The following ODAD2 variants were observed in gnomAD, a reference collection of about 807,000 sequenced individuals.
The protein encoded by ODAD2 is outer dynein arm-docking complex subunit 2.
Under a neutral mutation model 106.8 loss-of-function variants are expected in ODAD2, and 89 were observed. That is an observed-to-expected ratio of 0.83 (90% CI 0.70 to 0.99). The LOEUF (loss-of-function observed/expected upper bound fraction) is 0.99, where lower values mean the gene tolerates loss of function less well. Among genes scored for constraint, ODAD2 ranks in the 50% least tolerant of loss-of-function variants. The pLI is 0.00. For synonymous variants in ODAD2, 404 were observed against 436.2 expected, an observed-to-expected ratio of 0.93 and a Z score of 0.92; for missense variants, 1,168 against 1,238.5, an observed-to-expected ratio of 0.94 and a Z score of 0.85.
At chr10:27,824,769 A>T (rs1363616016) in intron 19 of ODAD2, among the ~76,000 whole-genome samples, 1 of 152,172 alleles carries the variant, frequency 6.6e-6, no homozygotes, top group East Asian at 1.9e-4. Context: ...TTGGCATGAG[A>T]TTGAAAATCT....
intron 14 of ODAD2, among the ~76,000 whole-genome samples, chr10:27,938,988 C>T (rs997012195): frequency 2.3e-4 from 35 of 152,104 alleles, no homozygotes; most frequent in Admixed American, 1.7e-3. Flanking sequence ...TAGAAGCAGA[C>T]GTGCACAGTA....
rs142516325 is a variant in ODAD2 at position 27,903,825 on chromosome 10, G to A, written c.2610+3838C>T. On this transcript the variant is annotated intron_variant, in intron 17 of 19. Transcript: ENST00000305242. ...GAAACCCTTCTCCTCTGAAAAGCTGGTGTCACAGGCTGCCTGTCATTTCCA... is the reference window on the plus strand; with the variant it reads ...GAAACCCTTCTCCTCTGAAAAGCTGATGTCACAGGCTGCCTGTCATTTCCA... Among the ~76,000 whole-genome samples the A allele has an allele frequency of 4.6e-5, 7 of 152,150 alleles. No homozygotes were observed. In the East Asian group the frequency reaches 1.4e-3, roughly 29 times the overall value.
At chr10:27,845,778 T>G (rs1180828032) in intron 19 of ODAD2, among the ~76,000 whole-genome samples, 1 of 152,140 alleles carries the variant, frequency 6.6e-6, no homozygotes, top group Admixed American at 6.5e-5. Context: ...AATCCTAGTC[T>G]CTGATAAAAC....
At chr10:27,931,140 G>A (rs1319746149) in intron 16 of ODAD2, among the ~76,000 whole-genome samples, 6 of 152,150 alleles carry the variant, frequency 3.9e-5, no homozygotes, top group Admixed American at 2.0e-4. Context: ...AAGAAAGAAA[G>A]AAAGAAAGGT....
At chr10:27,948,449 AG>A (rs1305161080) in intron 10 of ODAD2, among the ~76,000 whole-genome samples, 1 of 152,222 alleles carries the variant, frequency 6.6e-6, no homozygotes, top group Non-Finnish European at 1.5e-5. Flanking sequence ...GCTATGTCAA[AG>A]GATTTTTGAA....
chr10:27,860,106 C>T (rs1179445098), intron 19 of ODAD2, among the ~76,000 whole-genome samples: 1 of 152,106 alleles, frequency 6.6e-6, no homozygotes, highest in African/African-American at 2.4e-5. Context: ...CATTTCTATG[C>T]TTTAATTTAG....
chr10:27,827,643 A>C (rs1222594642), intron 19 of ODAD2, among the ~76,000 whole-genome samples: 1 of 151,844 alleles, frequency 6.6e-6, no homozygotes, highest in Admixed American at 6.6e-5. Context: ...ATTTCTCTTC[A>C]TCTCCAGGGA....
At chr10:27,814,303 G>C (rs1205288660) in intron 19 of ODAD2, among the ~76,000 whole-genome samples, 1 of 152,206 alleles carries the variant, frequency 6.6e-6, no homozygotes, top group African/African-American at 2.4e-5. Context: ...CTCCACCCCA[G>C]TGCACATTCC....
At chr10:27,939,848 A>T in intron 14 of ODAD2, 49 bp downstream of exon 14, 3 of 1,199,288 alleles carry the variant, frequency 2.5e-6, no homozygotes, top group Non-Finnish European at 3.5e-6. Flanking sequence ...AAACTACCTT[A>T]AACTATGTGA....
At position 27,850,328 on chromosome 10, in the gene ODAD2, G is replaced by A. The variant is rs182493073; in HGVS notation, c.3021+10297C>T. On this transcript the variant is annotated intron_variant, in intron 19 of 19. Coordinates refer to ENST00000305242, the MANE Select transcript of ODAD2 (RefSeq NM_018076.5). Reference sequence around the variant, plus strand: ...GCCGTGGTGGCAGGCGCCTGTAGTCGCAGCTACTCTGGAGGCTGAGGCAGG... The same window carrying A: ...GCCGTGGTGGCAGGCGCCTGTAGTCACAGCTACTCTGGAGGCTGAGGCAGG... Among the ~76,000 whole-genome samples, 930 of 151,482 alleles carry A rather than the reference G, an allele frequency of 6.1e-3. 40 individuals carry two copies. The highest frequency in any genetic ancestry group is 0.057 in the Admixed American group (865 of 15,146).
chr10:27,906,956 T>C (rs1843642973), intron 17 of ODAD2, among the ~76,000 whole-genome samples: 2 of 152,070 alleles, frequency 1.3e-5, no homozygotes, highest in African/African-American at 2.4e-5. Flanking sequence ...GGCATGTGTA[T>C]ACCTATGTAA....
At chr10:27,870,065 A>G (rs1262464030) in intron 17 of ODAD2, among the ~76,000 whole-genome samples, 1 of 152,146 alleles carries the variant, frequency 6.6e-6, no homozygotes, top group Non-Finnish European at 1.5e-5. Flanking sequence ...ATGTTAACAC[A>G]AGTTCTTCAC....
intron 2 of ODAD2, among the ~76,000 whole-genome samples, chr10:27,988,290 G>C (rs1850003985): frequency 6.6e-6 from 1 of 151,222 alleles, no homozygotes; most frequent in Non-Finnish European, 1.5e-5. Context: ...TTGTATTACA[G>C]GAGGCTATAT....
chr10:27,901,923 C>T (rs758032007), intron 17 of ODAD2, among the ~76,000 whole-genome samples: 6 of 152,130 alleles, frequency 3.9e-5, no homozygotes, highest in Admixed American at 2.0e-4. Flanking sequence ...CAAGGATATT[C>T]GGGACTTGAA....
At position 27,944,198 on chromosome 10, in the gene ODAD2, G is replaced by A. The variant is rs373850960; in HGVS notation, c.1743+24C>T. 1.2e-5 allele frequency: 19 copies of A among 1,593,362 alleles called. No individual in the cohort carries two copies. The East Asian group carries it at 3.6e-4, about 30-fold the overall frequency. ...GCAGTGGCGGCTGGCACTAGATGAC[G>A]ATGACAACATCACGGCTACTCACCA... On this transcript the variant is annotated intron_variant, in intron 12 of 19. Coordinates refer to ENST00000305242, the MANE Select transcript of ODAD2 (RefSeq NM_018076.5).
chr10:27,931,767 T>C (rs1235469852), intron 16 of ODAD2, among the ~76,000 whole-genome samples: 3 of 147,904 alleles, frequency 2.0e-5, no homozygotes, highest in African/African-American at 7.5e-5. Context: ...CTAGATAACC[T>C]GGCAATGACT....
intron 19 of ODAD2, among the ~76,000 whole-genome samples, chr10:27,820,777 C>CAT (rs1410664396): frequency 9.5e-6 from 1 of 105,554 alleles, no homozygotes; most frequent in Non-Finnish European, 1.9e-5. Flanking sequence ...AGCCCAGCAA[C>CAT]TTTTTTTTTT....
chr10:27,814,369 C>T (rs1243845345), intron 19 of ODAD2, among the ~76,000 whole-genome samples: 1 of 152,166 alleles, frequency 6.6e-6, no homozygotes, highest in Non-Finnish European at 1.5e-5. Flanking sequence ...CCGGCTGTCT[C>T]AATGAGATTA....
intron 19 of ODAD2, among the ~76,000 whole-genome samples, chr10:27,851,743 C>T (rs892345236): frequency 1.1e-4 from 17 of 152,060 alleles, no homozygotes; most frequent in African/African-American, 3.9e-4. Context: ...AAAAAGAGAA[C>T]AGGATGTAAA....
Sources: allele counts gnomAD v4.1 joint callset (sites outside exome capture counted in the v4.1 genomes callset), GRCh38; gene constraint gnomAD v4.1.1; transcripts MANE v1.5; gene names NCBI Gene and HGNC (gene_info 2026-07-23, HGNC 2026-07-21).